ARHGEF10: variants seen among roughly 807,000 people sequenced by gnomAD.
ARHGEF10 encodes the protein Rho guanine nucleotide exchange factor 10.
A neutral mutation model predicts 147.4 loss-of-function variants in ARHGEF10; 140 were observed. The observed-to-expected ratio is 0.95, with a 90% confidence interval of 0.83 to 1.09. The LOEUF (loss-of-function observed/expected upper bound fraction) is 1.09, where lower values mean the gene tolerates loss of function less well. ARHGEF10 is among the 50% of genes least tolerant of loss of function. The probability of loss-of-function intolerance (pLI) is 0.00; values close to 1 mark genes in which losing one functional copy is unlikely to be tolerated. For missense variants in ARHGEF10, 2,222 were observed against 1,752.7 expected (o/e 1.27, Z -4.78); for synonymous variants, 902 against 695.8 (o/e 1.30, Z -4.67).
intron 4 of ARHGEF10, among the ~76,000 whole-genome samples, chr8:1,860,857 C>T (rs1000934598): frequency 1.3e-5 from 2 of 152,070 alleles, no homozygotes; most frequent in Non-Finnish European, 2.9e-5. Flanking sequence ...GCGTGTGTCT[C>T]GCTGTCTTCA....
rs762456906 is a variant in ARHGEF10, at chr8:1,923,572, A to G, written c.2364A>G (p.Leu788=). 2.5e-6 allele frequency: 4 copies of G among 1,614,002 alleles called. No homozygotes were observed. The African/African-American group carries it at 4.0e-5, about 16-fold the overall frequency. ...IRAADCCRIQ[L]QLPGKQDKSG... is the part of the protein sequence containing the mutation. Reference sequence around the variant, plus strand: ...CTGCGGACTGCTGCAGAATTCAGTTACAGCTTCCCGGGAAGCAGGACAAGT... The same window carrying G: ...CTGCGGACTGCTGCAGAATTCAGTTGCAGCTTCCCGGGAAGCAGGACAAGT... The change falls in exon 20 of 29, where the codon TTA becomes TTG. Residue 788 remains leucine, a synonymous_variant. Transcript: ENST00000349830.
intron 26 of ARHGEF10, among the ~76,000 whole-genome samples, chr8:1,935,828 G>A (rs770294757): frequency 9.2e-5 from 14 of 152,222 alleles, no homozygotes; most frequent in African/African-American, 1.4e-4. Flanking sequence ...CTCAGGCAGC[G>A]GGAGGAGGCC....
Position 1,882,512 on chromosome 8 carries a change from T to G in ARHGEF10, c.961-123T>G, listed in dbSNP as rs180672623. 12 of 843,102 alleles carry G rather than the reference T, an allele frequency of 1.4e-5. No individual in the cohort carries two copies. In the East Asian group the frequency reaches 2.9e-4, roughly 21 times the overall value. The allele number at this position is 843,102 out of a possible 1,614,324, so 52.2% of individuals were successfully genotyped here. A position where few individuals can be genotyped will look rare whatever the true frequency, so the allele number is the denominator to read the frequency against. ...ACCAAAACAAAACCTAGCCCAGAAC[T>G]GCACGTGACACATGCGCTCACAAGA... On this transcript the variant is annotated intron_variant, in intron 9 of 28. Transcript: ENST00000349830.
chr8:1,898,320 G>A (rs1563253416), intron 14 of ARHGEF10, 113 bp from the exon 15 acceptor site: 2 of 898,348 alleles, frequency 2.2e-6, no homozygotes, highest in Admixed American at 2.0e-5. Context: ...TGAAGACAAG[G>A]TGCAGGCTTT....
chr8:1,933,745 C>G, intron 25 of ARHGEF10, 55 bp from the exon 26 acceptor site: 1 of 1,606,942 alleles, frequency 6.2e-7, no homozygotes, highest in Non-Finnish European at 8.5e-7. Context: ...CCCCATTTTC[C>G]CATTCCTGTG....
intron 5 of ARHGEF10, 144 bp downstream of exon 5, chr8:1,864,580 T>A (rs547175657): frequency 2.5e-6 from 2 of 809,124 alleles, no homozygotes; most frequent in East Asian, 5.2e-5. Context: ...CTGCCTCGGG[T>A]CCCTCCCAGG....
At chr8:1,894,626 C>T (rs1200144834) in intron 13 of ARHGEF10, 54 bp downstream of exon 13, 14 of 1,587,238 alleles carry the variant, frequency 8.8e-6, no homozygotes, top group Non-Finnish European at 1.2e-5. Flanking sequence ...CACCTGTCCT[C>T]TCTTCCCTTC....
chr8:1,828,304 CAGTGCCTTCCTCTTAA>C (rs1290095698), intron 1 of ARHGEF10, among the ~76,000 whole-genome samples: 6 of 152,396 alleles, frequency 3.9e-5, no homozygotes, highest in African/African-American at 7.2e-5. Flanking sequence ...TGTGGAAGAG[CAGTGCCTTCCTCTTAA>C]AGTGCCTTCC....
intron 7 of ARHGEF10, among the ~76,000 whole-genome samples, chr8:1,871,401 CTG>C (rs1364771096): frequency 6.6e-6 from 1 of 151,858 alleles, no homozygotes; most frequent in Non-Finnish European, 1.5e-5. Context: ...ATATACTACT[CTG>C]TAACTCATGG....
chr8:1,943,880 G>A (rs1481059874), intron 26 of ARHGEF10: 3 of 151,330 alleles, frequency 2.0e-5, no homozygotes, highest in South Asian at 2.1e-4. Flanking sequence ...GGTATTACAC[G>A]GCTGACTCTA....
intron 15 of ARHGEF10, among the ~76,000 whole-genome samples, chr8:1,898,737 G>A (rs972098382): frequency 3.9e-5 from 6 of 152,166 alleles, no homozygotes; most frequent in African/African-American, 9.7e-5. Flanking sequence ...CAGTGCCTGC[G>A]AGGCCAGCCT....
chr8:1,935,077 A>G (rs116918626), intron 26 of ARHGEF10, among the ~76,000 whole-genome samples: 8,883 of 152,308 alleles, frequency 0.058, 359 homozygotes, highest in Middle Eastern at 0.11. Flanking sequence ...TAGCCTCCTT[A>G]GCAACTAACA....
At chr8:1,879,196 G>T (rs1054808522) in intron 8 of ARHGEF10, among the ~76,000 whole-genome samples, 1 of 152,200 alleles carries the variant, frequency 6.6e-6, no homozygotes, top group Admixed American at 6.5e-5. Flanking sequence ...TCAGCCACGT[G>T]CATCTGAAGT....
At chr8:1,855,769 A>G (rs1434529307) in intron 2 of ARHGEF10, among the ~76,000 whole-genome samples, 3 of 152,148 alleles carry the variant, frequency 2.0e-5, no homozygotes, top group Admixed American at 6.5e-5. Context: ...TTTGGCAAAC[A>G]TGATTTTTTC....
intron 14 of ARHGEF10, among the ~76,000 whole-genome samples, chr8:1,896,736 C>T (rs570335584): frequency 1.1e-4 from 16 of 152,350 alleles, no homozygotes; most frequent in Admixed American, 5.2e-4. Flanking sequence ...TTACCTTTCC[C>T]TCACTGTCCT....
chr8:1,827,560 C>G (rs1435016540), intron 1 of ARHGEF10, among the ~76,000 whole-genome samples: 6 of 152,212 alleles, frequency 3.9e-5, no homozygotes, highest in African/African-American at 1.4e-4. Context: ...CCTGCCTCAG[C>G]CTCCCAAAGC....
chr8:1,851,341 C>T (rs976070695), intron 2 of ARHGEF10, among the ~76,000 whole-genome samples: 1 of 150,422 alleles, frequency 6.6e-6, no homozygotes, highest in African/African-American at 2.5e-5. Flanking sequence ...GCCTCACGCA[C>T]ACCGTGGGCT....
intron 26 of ARHGEF10, among the ~76,000 whole-genome samples, chr8:1,942,919 G>A (rs1039121012): frequency 6.6e-6 from 1 of 152,238 alleles, no homozygotes; most frequent in East Asian, 1.9e-4. Flanking sequence ...ATGAGTGGTT[G>A]TCAGGGGCTG....
intron 28 of ARHGEF10, among the ~76,000 whole-genome samples, chr8:1,955,189 T>A (rs1469527704): frequency 2.2e-5 from 3 of 137,882 alleles, no homozygotes; most frequent in Non-Finnish European, 4.6e-5. Flanking sequence ...GCACTCTCAC[T>A]GTTTCTCTGG....
Sources: gnomAD v4.1 joint callset for allele counts (sites outside exome capture counted in the v4.1 genomes callset) on GRCh38, gnomAD v4.1.1 for gene constraint, MANE v1.5 for transcripts, NCBI Gene and HGNC (gene_info 2026-07-23, HGNC 2026-07-21) for gene names.